XKR7: variants seen among roughly 807,000 people sequenced by gnomAD.
XKR7 encodes XK related 7.
In XKR7, 11 loss-of-function variants were observed where a neutral mutation model predicts 42.2. The ratio of observed to expected loss-of-function variants is 0.26; its 90% CI spans 0.16 to 0.43. The LOEUF (loss-of-function observed/expected upper bound fraction) is 0.43. Ranked by LOEUF, XKR7 falls within the 20% of genes least tolerant of loss-of-function variation. The pLI, the probability that XKR7 is intolerant of heterozygous loss-of-function variation, is 1.00. For synonymous variants in XKR7, 346 were observed against 366.4 expected (o/e 0.94, Z 0.64); for missense variants, 710 against 802.2 (o/e 0.89, Z 1.39).
Position 32,001,058 on chromosome 20 carries a change from G to A in XKR7, c.*3601G>A, listed in dbSNP as rs1365731769. 1 of 152,312 alleles carries A rather than the reference G, an allele frequency of 6.6e-6. No individual in the cohort carries two copies. Among genetic ancestry groups the A allele is most frequent in the Non-Finnish European group, 1.5e-5 (1 of 68,104 alleles). The allele number at this position is 152,312 out of a possible 1,614,324, so 9.4% of individuals were successfully genotyped here. A position where few individuals can be genotyped will look rare whatever the true frequency, so the allele number is the denominator to read the frequency against. On this transcript the variant is annotated 3_prime_UTR_variant, in exon 3 of 3. Transcript: ENST00000562532. The stretch of plus-strand genomic sequence containing the variant: ...AAGGTGAGGCCTGGGGAAAGTCCAG[G>A]CCTCTGGATAAGGGCTGAGGGAGCT...
chr20:31,984,751 T>G (rs978951177), intron 1 of XKR7, among the ~76,000 whole-genome samples: 3 of 152,212 alleles, frequency 2.0e-5, no homozygotes, highest in African/African-American at 7.2e-5. Context: ...CTGCACACCT[T>G]CCAGGCGAGG....
chr20:32,002,924 G>C lies in XKR7; in HGVS notation c.*5467G>C, dbSNP rs1369467155. 6.6e-6 allele frequency: 1 copy of C among 152,252 alleles called. No individual in the cohort carries two copies. Among genetic ancestry groups the C allele is most frequent in the Non-Finnish European group, 1.5e-5 (1 of 68,062 alleles). 9.4% of individuals were successfully genotyped at this position (152,252 alleles called of 1,614,324 possible). A position where few individuals can be genotyped will look rare whatever the true frequency, so the allele number is the denominator to read the frequency against. On this transcript the variant is annotated 3_prime_UTR_variant, in exon 3 of 3. Coordinates refer to ENST00000562532, the MANE Select transcript of XKR7 (RefSeq NM_001011718.2). ...ATTTTACTGAAGGGGCAAGCCCAGA[G>C]ATGGGAGATGGCCAGCCCAAGGTCA...
At position 32,001,842 on chromosome 20, in the gene XKR7, T is replaced by A. The variant is rs965238933; in HGVS notation, c.*4385T>A. ...TCCCAGTTCAAGCTGTGGTGGGGCC[T>A]GCAGTAGAGGTTGGTAGGGGGAGCT... On this transcript the variant is annotated 3_prime_UTR_variant, in exon 3 of 3. Transcript: ENST00000562532. 2 of 152,302 alleles carry A rather than the reference T, an allele frequency of 1.3e-5. No homozygotes were observed. Among genetic ancestry groups the A allele is most frequent in the African/African-American group, 4.8e-5 (2 of 41,464 alleles). The allele number at this position is 152,302 out of a possible 1,614,324, so 9.4% of individuals were successfully genotyped here.
chr20:31,984,087 C>A (rs769788599), intron 1 of XKR7, among the ~76,000 whole-genome samples: 15 of 151,900 alleles, frequency 9.9e-5, no homozygotes, highest in Non-Finnish European at 1.8e-4. Context: ...CATGGTGAAA[C>A]CCTGTCTCTA....
intron 1 of XKR7, among the ~76,000 whole-genome samples, chr20:31,989,137 A>G (rs966741771): frequency 3.9e-5 from 6 of 152,184 alleles, no homozygotes; most frequent in African/African-American, 1.4e-4. Context: ...TGAGTTGGCA[A>G]GGGTGGCCTG....
intron 1 of XKR7, among the ~76,000 whole-genome samples, chr20:31,992,336 G>T (rs1211099594): frequency 6.6e-6 from 1 of 152,184 alleles, no homozygotes; most frequent in Non-Finnish European, 1.5e-5. Flanking sequence ...ATCCTTATGT[G>T]TGGGGTAAGC....
rs1271480797 is a variant in XKR7, at chr20:31,995,178, G to T, written c.695G>T (p.Arg232Leu). Residue 232 changes from arginine (R) to leucine (L), a missense_variant, in exon 2 of 3, where the codon CGC (arginine) becomes CTC (leucine). Around this residue, in one of 2 missense-constraint regions of XKR7, gnomAD observed 708 missense variants for 786.2 expected, o/e 0.90. Transcript: ENST00000562532. This position sits in a 1 kb window ranked among gnomAD's most constrained non-coding sequence, Gnocchi z 4.1. Reference sequence around the variant, plus strand: ...GAGAGCGCCGACGTGAGCATGCTGCGCTTGCTGGAGACCTTCCTGCGCAGC... The same window carrying T: ...GAGAGCGCCGACGTGAGCATGCTGCTCTTGCTGGAGACCTTCCTGCGCAGC... ...LFESADVSML[R>L]LLETFLRSAP... The T allele has an allele frequency of 3.2e-6, 5 of 1,550,126 alleles. No individual in the cohort carries two copies. The highest frequency in any genetic ancestry group is 1.2e-5 in the South Asian group (1 of 84,110).
chr20:31,981,899 C>CA (rs1190825995), intron 1 of XKR7, among the ~76,000 whole-genome samples: 7 of 152,150 alleles, frequency 4.6e-5, no homozygotes, highest in Non-Finnish European at 1.0e-4. Flanking sequence ...TCCCTGCCTC[C>CA]TTTACCTGGT....
At position 32,000,862 on chromosome 20, in the gene XKR7, ACTCCCCCACACAGGG is replaced by A. The variant is rs1483003422; in HGVS notation, c.*3412_*3426del. ...CCAGCTGAACAGCACAGACCTCCCC[ACTCCCCCACACAGGG>A]CTCCCCAATGAGGGAGCCTTGCTTG... On this transcript the variant is annotated 3_prime_UTR_variant, in exon 3 of 3. Transcript: ENST00000562532. 2 of 150,506 alleles carry A rather than the reference ACTCCCCCACACAGGG, an allele frequency of 1.3e-5. No individual in the cohort carries two copies. The highest frequency in any genetic ancestry group is 3.0e-5 in the Non-Finnish European group (2 of 67,736). The allele number at this position is 150,506 out of a possible 1,614,324, so 9.3% of individuals were successfully genotyped here. A position where few individuals can be genotyped will look rare whatever the true frequency, so the allele number is the denominator to read the frequency against.
chr20:31,992,347 A>C (rs1051124490), intron 1 of XKR7, among the ~76,000 whole-genome samples: 3 of 152,184 alleles, frequency 2.0e-5, no homozygotes, highest in African/African-American at 7.2e-5. Flanking sequence ...TGGGGTAAGC[A>C]GGAGTCCAGA....
rs1248005486 is a variant in XKR7, at chr20:31,979,132, CT to C, written c.584+10374del. Among the ~76,000 whole-genome samples the C allele has an allele frequency of 3.9e-4, 40 of 103,364 alleles. 1 individual carries two copies. The highest frequency in any genetic ancestry group is 2.9e-3 in the African/African-American group (40 of 13,632). The allele number at this position is 103,364 out of a possible 152,430, so 67.8% of individuals were successfully genotyped here. On this transcript the variant is annotated intron_variant, in intron 1 of 2. Coordinates refer to ENST00000562532, the MANE Select transcript of XKR7 (RefSeq NM_001011718.2). ...CCTGGGCGACAGAGTGAGACTCTGTCTCAAAAAAAAAAAAAAATTGTTAAAA... is the reference window on the plus strand; with the variant it reads ...CCTGGGCGACAGAGTGAGACTCTGTCCAAAAAAAAAAAAAAATTGTTAAAA...
rs745457964 is a variant in XKR7, at chr20:31,968,533, G to T, written c.358G>T (p.Ala120Ser). The stretch of plus-strand genomic sequence containing the variant: ...GTTCGTCTACGACTACTCGGAGCCC[G>T]CAGGGTCCCCGGGACCCGCCGTCAG... ...RWFVYDYSEP[A>S]GSPGPAVSTK... is the part of the protein sequence containing the mutation. The change falls in exon 1 of 3, where the codon GCA becomes TCA. Residue 120 changes from alanine (A) to serine (S), a missense_variant. By Grantham distance (99) the Ala-to-Ser change is moderately conservative. Transcript: ENST00000562532. The surrounding 1 kb of genome is among the most constrained non-coding windows in gnomAD (Gnocchi z 4.5). 6.2e-7 allele frequency: 1 copy of T among 1,607,732 alleles called. No homozygotes were observed. The highest frequency in any genetic ancestry group is 8.5e-7 in the Non-Finnish European group (1 of 1,177,376).
In XKR7 at chr20:31,999,998, C is replaced by CCCCCACT. The variant is rs1191516256; in HGVS notation, c.*2548_*2554dup. On this transcript the variant is annotated 3_prime_UTR_variant, in exon 3 of 3. Transcript: ENST00000562532. ...GGCTACATTTTTGGATTTTACTCCA[C>CCCCCACT]CCCCACTCCCCACCTCTTCTCAACC... is the stretch of plus-strand genomic sequence containing the variant. The CCCCCACT allele has an allele frequency of 6.6e-6, 1 of 152,396 alleles. No individual in the cohort carries two copies. Among genetic ancestry groups the CCCCCACT allele is most frequent in the Non-Finnish European group, 1.5e-5 (1 of 68,232 alleles). 9.4% of individuals were successfully genotyped at this position (152,396 alleles called of 1,614,324 possible).
rs1313267433 is a variant in XKR7 at position 31,998,318 on chromosome 20, AG to A, written c.*862del. ...TCTAGATACAGGTCTTCAACACAGC[AG>A]ATAAGATGTCTGGAAAGATCTCTGG... On this transcript the variant is annotated 3_prime_UTR_variant, in exon 3 of 3. Coordinates refer to ENST00000562532, the MANE Select transcript of XKR7 (RefSeq NM_001011718.2). 1.3e-5 allele frequency: 2 copies of A among 152,168 alleles called. No individual in the cohort carries two copies. Among genetic ancestry groups the A allele is most frequent in the Non-Finnish European group, 2.9e-5 (2 of 68,036 alleles). 9.4% of individuals were successfully genotyped at this position (152,168 alleles called of 1,614,324 possible).
chr20:31,968,676 C>T lies in XKR7; in HGVS notation c.501C>T (p.Ser167=). The T allele has an allele frequency of 3.2e-6, 5 of 1,562,720 alleles. No individual in the cohort carries two copies. The highest frequency in any genetic ancestry group is 4.3e-6 in the Non-Finnish European group (5 of 1,161,894). The part of the protein sequence containing the change: ...PGPQPAPSSA[S]AYRRRCCRLC... The stretch of plus-strand genomic sequence containing the variant: ...CCCAGCCTGCGCCCTCCTCGGCCAG[C>T]GCCTACCGCCGCCGCTGCTGCCGCC... The change falls in exon 1 of 3, where the codon AGC becomes AGT. Residue 167 remains serine (S), a synonymous_variant. Coordinates refer to ENST00000562532, the MANE Select transcript of XKR7 (RefSeq NM_001011718.2). The surrounding 1 kb of genome is among the most constrained non-coding windows in gnomAD (Gnocchi z 4.5).
intron 1 of XKR7, among the ~76,000 whole-genome samples, chr20:31,986,033 CT>C (rs2064537955): frequency 6.7e-6 from 1 of 149,480 alleles, no homozygotes. Context: ...GACAGACAGA[CT>C]ACCAAGCAGA....
At position 31,996,683 on chromosome 20, in the gene XKR7, C is replaced by T; in HGVS notation, c.966C>T (p.Ser322=). The T allele has an allele frequency of 6.2e-7, 1 of 1,606,786 alleles. No homozygotes were observed. The highest frequency in any genetic ancestry group is 8.5e-7 in the Non-Finnish European group (1 of 1,175,790). Residue 322 remains serine, a synonymous_variant, in exon 3 of 3, where the codon AGC becomes AGT. Coordinates refer to ENST00000562532, the MANE Select transcript of XKR7 (RefSeq NM_001011718.2). ...GCCTGGCCTTCGCGCTCTTCGCCAGCGTCTACAAGCTCTATTTTGGCATCT... is the reference window on the plus strand; with the variant it reads ...GCCTGGCCTTCGCGCTCTTCGCCAGTGTCTACAAGCTCTATTTTGGCATCT... The part of the protein sequence containing the change: ...ARGLAFALFA[S]VYKLYFGIFI...
chr20:31,981,288 AT>A (rs367829439), intron 1 of XKR7, among the ~76,000 whole-genome samples: 28 of 152,192 alleles, frequency 1.8e-4, no homozygotes, highest in Middle Eastern at 6.8e-3. Context: ...AGGCAGAAGA[AT>A]CACTTGAACC....
At chr20:31,980,353 G>A (rs1378110421) in intron 1 of XKR7, among the ~76,000 whole-genome samples, 2 of 152,228 alleles carry the variant, frequency 1.3e-5, no homozygotes, top group Admixed American at 6.5e-5. Context: ...GGCAGATGGG[G>A]AGGGGGCCTC....
Sources: gnomAD v4.1 joint callset for allele counts (sites outside exome capture counted in the v4.1 genomes callset) on GRCh38, gnomAD v4.1.1 for gene constraint, gnomAD v4.1.1 regional missense constraint, Gnocchi (gnomAD v3.1) non-coding constraint, MANE v1.5 for transcripts, NCBI Gene and HGNC (gene_info 2026-07-23, HGNC 2026-07-21) for gene names.